The following ARHGAP20 variants were observed in gnomAD, a reference collection of about 807,000 sequenced individuals.
ARHGAP20 encodes rho GTPase-activating protein 20.
In ARHGAP20, 34 loss-of-function variants were observed where a neutral mutation model predicts 73.7. The ratio of observed to expected loss-of-function variants is 0.46; its 90% CI spans 0.35 to 0.61. The LOEUF (loss-of-function observed/expected upper bound fraction) is 0.61. ARHGAP20 is among the 20% of genes least tolerant of loss of function. The probability of loss-of-function intolerance (pLI) is 0.00; values close to 1 mark genes in which losing one functional copy is unlikely to be tolerated. For missense variants in ARHGAP20, 1,314 were observed against 1,420.9 expected, an observed-to-expected ratio of 0.92 and a Z score of 1.21; for synonymous variants, 523 against 518.2, an observed-to-expected ratio of 1.01 and a Z score of -0.13.
chr11:110,607,536 A>G (rs935631437), intron 8 of ARHGAP20, among the ~76,000 whole-genome samples: 10 of 152,194 alleles, frequency 6.6e-5, no homozygotes, highest in Non-Finnish European at 1.5e-4. Flanking sequence ...TTTTAAGTAC[A>G]GAGAGCAAGT....
At position 110,648,254 on chromosome 11, in the gene ARHGAP20, A is replaced by T. The variant is rs140889148; in HGVS notation, c.189-17462T>A. Among the ~76,000 whole-genome samples the T allele has an allele frequency of 1.7e-3, 141 of 81,904 alleles. 1 individual carries two copies. Among genetic ancestry groups the T allele is most frequent in the African/African-American group, 5.0e-3 (111 of 22,204 alleles). The allele number at this position is 81,904 out of a possible 152,430, so 53.7% of individuals were successfully genotyped here. A position where few individuals can be genotyped will look rare whatever the true frequency, so the allele number is the denominator to read the frequency against. The stretch of plus-strand genomic sequence containing the variant: ...ATATATATGTAAATATATATATGTA[A>T]ATATATATATGTAAATATATATATG... On this transcript the variant is annotated intron_variant, in intron 2 of 14. Transcript: ENST00000683387.
Position 110,581,176 on chromosome 11 carries a change from A to G in ARHGAP20, c.1770T>C (p.Asn590=). The G allele has an allele frequency of 1.1e-5, 18 of 1,613,980 alleles. No individual in the cohort carries two copies. The highest frequency in any genetic ancestry group is 1.5e-5 in the Non-Finnish European group (18 of 1,179,916). The change falls in exon 15 of 15, where the codon AAT becomes AAC. Residue 590 remains asparagine, a synonymous_variant. Coordinates refer to ENST00000683387, the MANE Select transcript of ARHGAP20 (RefSeq NM_001384657.1). ...LNDSSYDSLE[N]ELNEDVDAPC... is the part of the protein sequence containing the mutation. ...GTGCATCAACATCCTCATTTAGCTC[A>G]TTTTCCAAGCTGTCATAGGAGGAGT...
intron 9 of ARHGAP20, among the ~76,000 whole-genome samples, chr11:110,593,331 G>A (rs1947875198): frequency 6.6e-6 from 1 of 152,164 alleles, no homozygotes; most frequent in Non-Finnish European, 1.5e-5. Flanking sequence ...GTTTGCTTAT[G>A]ATTTAATACA....
chr11:110,703,410 T>C (rs75869355), intron 1 of ARHGAP20, among the ~76,000 whole-genome samples: 20,262 of 151,938 alleles, frequency 0.13, 1,622 homozygotes, highest in South Asian at 0.29. Flanking sequence ...CCACTTAATT[T>C]CTCAGATTTT....
intron 14 of ARHGAP20, 61 bp downstream of exon 14, chr11:110,582,260 C>A (rs1260509742): frequency 7.3e-6 from 10 of 1,367,140 alleles, no homozygotes; most frequent in Non-Finnish European, 1.0e-5. Flanking sequence ...CCTATCCCAG[C>A]ACGTTTACAA....
intron 4 of ARHGAP20, among the ~76,000 whole-genome samples, chr11:110,619,380 T>C (rs1270759040): frequency 6.7e-6 from 1 of 149,390 alleles, no homozygotes; most frequent in Admixed American, 6.6e-5. Context: ...ATGTAGAGTA[T>C]ATGCAGTGAT....
chr11:110,644,754 T>A (rs1949150994), intron 2 of ARHGAP20, among the ~76,000 whole-genome samples: 1 of 151,964 alleles, frequency 6.6e-6, no homozygotes, highest in Admixed American at 6.6e-5. Flanking sequence ...GTTTAAGACC[T>A]CAAAAGTAAT....
At chr11:110,581,489 TA>T (rs1296880142) in intron 14 of ARHGAP20, among the ~76,000 whole-genome samples, 1 of 152,128 alleles carries the variant, frequency 6.6e-6, no homozygotes, top group African/African-American at 2.4e-5. Flanking sequence ...CAAGAAATGG[TA>T]AAAAATATGA....
At chr11:110,583,368 C>A (rs1402394579) in intron 13 of ARHGAP20, among the ~76,000 whole-genome samples, 180 bp downstream of exon 13, 1 of 152,082 alleles carries the variant, frequency 6.6e-6, no homozygotes, top group Non-Finnish European at 1.5e-5. Flanking sequence ...AGAGAAGTAA[C>A]CCATCTGCTA....
intron 4 of ARHGAP20, among the ~76,000 whole-genome samples, chr11:110,616,408 T>C (rs1356074319): frequency 6.6e-6 from 1 of 152,164 alleles, no homozygotes; most frequent in Non-Finnish European, 1.5e-5. Context: ...GGTCTTGCTC[T>C]GTTGCCTGGG....
chr11:110,659,594 G>T (rs1195510683), intron 2 of ARHGAP20, among the ~76,000 whole-genome samples: 1 of 151,882 alleles, frequency 6.6e-6, no homozygotes, highest in Non-Finnish European at 1.5e-5. Flanking sequence ...TTTGGCTTTT[G>T]TTGCCATTGC....
rs1227338524 is a variant in ARHGAP20, at chr11:110,617,536, T to C, written c.504-1942A>G. Among the ~76,000 whole-genome samples the C allele has an allele frequency of 2.0e-5, 3 of 152,346 alleles. No individual in the cohort carries two copies. In the East Asian group the frequency reaches 5.8e-4, roughly 29 times the overall value. ...CCTCCGCCTCCCAAAGTGCTGGGAT[T>C]ACAAGTGTGAGCCACTGTGCCTGGC... is the stretch of plus-strand genomic sequence containing the variant. On this transcript the variant is annotated intron_variant, in intron 4 of 14. Transcript: ENST00000683387.
intron 1 of ARHGAP20, among the ~76,000 whole-genome samples, chr11:110,710,735 A>G (rs1950633537): frequency 1.3e-5 from 2 of 152,128 alleles, no homozygotes; most frequent in Admixed American, 6.5e-5. Context: ...TGGCTCCGTG[A>G]CACGGTCAAG....
intron 1 of ARHGAP20, 105 bp downstream of exon 1, chr11:110,712,022 C>T (rs1950672185): frequency 2.4e-6 from 3 of 1,241,604 alleles, no homozygotes; most frequent in African/African-American, 1.6e-5. Flanking sequence ...GCGTCAAATT[C>T]CCGCGGCGTC....
At chr11:110,642,823 T>C (rs1949104079) in intron 2 of ARHGAP20, among the ~76,000 whole-genome samples, 1 of 152,164 alleles carries the variant, frequency 6.6e-6, no homozygotes, top group South Asian at 2.1e-4. Context: ...GAGTCCCTCC[T>C]CCTCGACTTT....
intron 1 of ARHGAP20, 77 bp downstream of exon 1, chr11:110,712,050 T>C (rs1950672980): frequency 2.5e-5 from 31 of 1,244,978 alleles, no homozygotes; most frequent in Non-Finnish European, 2.9e-5. Context: ...CGCGCTGCTG[T>C]GGCGGGCGCG....
chr11:110,590,508 C>T (rs1211350462), intron 11 of ARHGAP20, 140 bp downstream of exon 11: 1 of 880,606 alleles, frequency 1.1e-6, no homozygotes, highest in Non-Finnish European at 1.6e-6. Context: ...GTTTTTATAA[C>T]ACTTTTTAGT....
At chr11:110,644,664 C>T (rs911260507) in intron 2 of ARHGAP20, among the ~76,000 whole-genome samples, 2 of 152,070 alleles carry the variant, frequency 1.3e-5, no homozygotes, top group Admixed American at 1.3e-4. Flanking sequence ...GGATGAAATA[C>T]TCAAATGTAG....
In ARHGAP20 at chr11:110,579,753, C is replaced by A. The variant is rs140374907; in HGVS notation, c.3193G>T (p.Ala1065Ser). 3.1e-6 allele frequency: 5 copies of A among 1,613,782 alleles called. No individual in the cohort carries two copies. The highest frequency in any genetic ancestry group is 1.3e-5 in the African/African-American group (1 of 74,836). Residue 1065 changes from alanine (A) to serine (S), a missense_variant, in exon 15 of 15, where the codon GCT becomes TCT. Physicochemically the swap from Ala to Ser is moderately conservative, Grantham distance 99. This residue lies in a region of ARHGAP20 where 641 missense variants were observed against 636.9 expected (regional missense o/e 1.01). Transcript: ENST00000683387. ...KAARPEEEKI[A>S]SPKGPLEPPP... The stretch of plus-strand genomic sequence containing the variant: ...GGCTCTAAGGGTCCTTTTGGAGAAG[C>A]TATTTTCTCTTCCTCTGGTCTGGCT...
Sources: allele counts gnomAD v4.1 joint callset (sites outside exome capture counted in the v4.1 genomes callset), GRCh38; gene constraint gnomAD v4.1.1; regional missense constraint gnomAD v4.1.1; transcripts MANE v1.5; gene names NCBI Gene and HGNC (gene_info 2026-07-23, HGNC 2026-07-21).